Variants in TTLL5 observed in about 807,000 individuals in gnomAD.
TTLL5 encodes tubulin tyrosine ligase like 5, also known as tubulin polyglutamylase TTLL5.
TTLL5 carries 132 observed loss-of-function variants against 168.4 expected under a neutral mutation model. That is an observed-to-expected ratio of 0.78 (90% confidence interval 0.68 to 0.91). The LOEUF (loss-of-function observed/expected upper bound fraction) is 0.91. Ranked by LOEUF, TTLL5 falls within the 40% of genes least tolerant of loss-of-function variation. The pLI, the probability that TTLL5 is intolerant of heterozygous loss-of-function variation, is 0.00. For missense variants in TTLL5, 1,545 were observed against 1,581.5 expected (o/e 0.98, Z 0.39); for synonymous variants, 546 against 558.6 (o/e 0.98, Z 0.32).
intron 6 of TTLL5, among the ~76,000 whole-genome samples, chr14:75,695,800 GCCCTCCCCTCCCCTCCCCTC>G: frequency 1.1e-5 from 1 of 90,264 alleles, no homozygotes; most frequent in Non-Finnish European, 2.3e-5. Flanking sequence ...TCCCTTCCCT[GCCCTCCCCTCCCCTCCCCTC>G]CCCGACTTCC....
intron 5 of TTLL5, among the ~76,000 whole-genome samples, chr14:75,686,695 T>C (rs992460612): frequency 5.9e-5 from 9 of 152,228 alleles, no homozygotes; most frequent in Non-Finnish European, 1.2e-4. Context: ...TACATTCTAC[T>C]TAGAATTAAC....
At chr14:75,676,394 C>T (rs991389090) in intron 3 of TTLL5, among the ~76,000 whole-genome samples, 2 of 152,146 alleles carry the variant, frequency 1.3e-5, no homozygotes, top group African/African-American at 4.8e-5. Context: ...TTTGAAGCAT[C>T]GTGAGTGACA....
chr14:75,690,183 A>G lies in TTLL5; in HGVS notation c.372-9A>G. 5.0e-6 allele frequency: 8 copies of G among 1,609,350 alleles called. No homozygotes were observed. Among genetic ancestry groups the G allele is most frequent in the South Asian group, 1.1e-5 (1 of 90,086 alleles). On this transcript the variant is annotated splice_polypyrimidine_tract_variant and intron_variant, in intron 5 of 31. Coordinates refer to ENST00000298832, the MANE Select transcript of TTLL5 (RefSeq NM_015072.5). Reference sequence around the variant, plus strand: ...TTTACTGAATGGAAATACTTTTTTGATTTTTCAGGTCTTATGAACTTACCC... The same window carrying G: ...TTTACTGAATGGAAATACTTTTTTGGTTTTTCAGGTCTTATGAACTTACCC...
At chr14:75,708,774 C>A (rs1233273440) in intron 9 of TTLL5, among the ~76,000 whole-genome samples, 2 of 152,142 alleles carry the variant, frequency 1.3e-5, no homozygotes, top group African/African-American at 4.8e-5. Context: ...AAGTATGTAA[C>A]TACTATGCTG....
At chr14:75,709,204 A>G (rs1981897) in intron 9 of TTLL5, 29,876 of 762,150 alleles carry the variant, frequency 0.039, 815 homozygotes, top group Non-Finnish European at 0.055. Flanking sequence ...GATGGGAAAT[A>G]CCATGGATAA....
In TTLL5 at chr14:75,661,335, G is replaced by A. The variant is rs763599670; in HGVS notation, c.-148G>A. On this transcript the variant is annotated 5_prime_UTR_variant, in exon 1 of 32. Transcript: ENST00000298832. Reference sequence around the variant, plus strand: ...TCCTGGGGAAGGAGGAGGGAGGTAGGCGCAGAGCGCGGTCCACGCCTGCTC... The same window carrying A: ...TCCTGGGGAAGGAGGAGGGAGGTAGACGCAGAGCGCGGTCCACGCCTGCTC... The A allele has an allele frequency of 6.6e-6, 1 of 152,284 alleles. No individual in the cohort carries two copies. The allele number at this position is 152,284 out of a possible 1,614,324, so 9.4% of individuals were successfully genotyped here.
At chr14:75,674,417 G>C (rs575453293) in intron 3 of TTLL5, among the ~76,000 whole-genome samples, 4 of 152,288 alleles carry the variant, frequency 2.6e-5, no homozygotes, top group Admixed American at 6.5e-5. Flanking sequence ...CCCCTGAGAA[G>C]TGTATCTGGG....
intron 29 of TTLL5, among the ~76,000 whole-genome samples, chr14:75,876,410 T>C (rs1239429574): frequency 2.2e-4 from 33 of 152,252 alleles, no homozygotes; most frequent in Admixed American, 2.2e-3. Flanking sequence ...TCTGTCCAGG[T>C]AAGCATCTGT....
chr14:75,771,993 C>G (rs1338468107), intron 21 of TTLL5, 139 bp downstream of exon 21: 1 of 955,464 alleles, frequency 1.0e-6, no homozygotes, highest in Non-Finnish European at 1.5e-6. Context: ...TTTTAGATTT[C>G]TTATAAATCT....
chr14:75,819,792 A>C (rs1440482361), intron 27 of TTLL5, among the ~76,000 whole-genome samples: 2 of 152,178 alleles, frequency 1.3e-5, no homozygotes, highest in African/African-American at 4.8e-5. Context: ...GTAGGAGCAA[A>C]ATAAATGCTT....
intron 29 of TTLL5, among the ~76,000 whole-genome samples, chr14:75,869,013 AGTGTGTGTGT>A (rs3138589): frequency 5.4e-4 from 67 of 124,516 alleles, no homozygotes; most frequent in Middle Eastern, 3.9e-3. Context: ...AGAGGGGAGG[AGTGTGTGTGT>A]GTGTGTGTGT....
intron 31 of TTLL5, chr14:75,930,474 A>G: frequency 1.8e-6 from 1 of 553,380 alleles, no homozygotes; most frequent in Non-Finnish European, 2.3e-6. Flanking sequence ...ACCAGTAAGT[A>G]TAATGCAAAT....
chr14:75,708,799 A>G (rs981284641), intron 9 of TTLL5, among the ~76,000 whole-genome samples: 1 of 152,136 alleles, frequency 6.6e-6, no homozygotes, highest in Non-Finnish European at 1.5e-5. Context: ...CTTCCCCCCA[A>G]CAAAACTAAA....
At position 75,752,925 on chromosome 14, in the gene TTLL5, A is replaced by G. The variant is rs201413053; in HGVS notation, c.1520A>G (p.Tyr507Cys). 3.3e-5 allele frequency: 54 copies of G among 1,613,640 alleles called. No individual in the cohort carries two copies. Among genetic ancestry groups the G allele is most frequent in the East Asian group, 1.8e-4 (8 of 44,836 alleles). Residue 507 changes from tyrosine to cysteine, a missense_variant, in exon 18 of 32, where the codon TAT becomes TGT. Tyr to Cys is a radical substitution (Grantham distance 194, BLOSUM62 -2). Coordinates refer to ENST00000298832, the MANE Select transcript of TTLL5 (RefSeq NM_015072.5). ...CTCGAGCATAAGACCTCAATGAACTATATGCTGGCAACACGCCTCTTCCAG... is the reference window on the plus strand; with the variant it reads ...CTCGAGCATAAGACCTCAATGAACTGTATGCTGGCAACACGCCTCTTCCAG... ...SYLEHKTSMN[Y>C]MLATRLFQDR...
rs1887922915 is a variant in TTLL5, at chr14:75,722,740, T to C, written c.1042+2037T>C. ...TATTTAGCTCACTGCAGCCTTGAAC[T>C]CATGGTACCAAGTGATCCTCCTGCC... On this transcript the variant is annotated intron_variant, in intron 12 of 31. Transcript: ENST00000298832. Among the ~76,000 whole-genome samples, 4 of 152,184 alleles carry C rather than the reference T, an allele frequency of 2.6e-5. No individual in the cohort carries two copies. In the South Asian group the frequency reaches 8.3e-4, roughly 31 times the overall value.
intron 31 of TTLL5, among the ~76,000 whole-genome samples, chr14:75,925,077 T>C (rs1230836139): frequency 1.5e-5 from 2 of 130,600 alleles, no homozygotes; most frequent in Non-Finnish European, 1.6e-5. Flanking sequence ...GGGCGGCTGG[T>C]CGGGCGGGGG....
chr14:75,742,198 C>T (rs911231336), intron 15 of TTLL5, among the ~76,000 whole-genome samples: 2 of 152,078 alleles, frequency 1.3e-5, no homozygotes, highest in African/African-American at 4.8e-5. Context: ...TTCTTAAATG[C>T]TTAATAAAGA....
rs375365628 is a variant in TTLL5 at position 75,685,207 on chromosome 14, A to T, written c.371+1551A>T. On this transcript the variant is annotated intron_variant, in intron 5 of 31. Coordinates refer to ENST00000298832, the MANE Select transcript of TTLL5 (RefSeq NM_015072.5). ...AGACCACCCTGGGCAACATGGCAAA[A>T]CCCCGGCTCTAAAAAAAACAAAAAA... Among the ~76,000 whole-genome samples the T allele has an allele frequency of 4.0e-5, 6 of 151,364 alleles. No homozygotes were observed. In the East Asian group the frequency reaches 9.7e-4, roughly 25 times the overall value.
chr14:75,753,009 G>A (rs1005724838), intron 18 of TTLL5, 54 bp downstream of exon 18: 3 of 1,529,986 alleles, frequency 2.0e-6, no homozygotes, highest in Middle Eastern at 3.4e-4. Context: ...TTAACAGAAA[G>A]TACATGTCAA....
Sources: gnomAD v4.1 joint callset for allele counts (sites outside exome capture counted in the v4.1 genomes callset) on GRCh38, gnomAD v4.1.1 for gene constraint, MANE v1.5 for transcripts, NCBI Gene and HGNC (gene_info 2026-07-23, HGNC 2026-07-21) for gene names.